RGS7: variants seen among roughly 807,000 people sequenced by gnomAD.
RGS7 encodes the protein regulator of G-protein signaling 7.
In RGS7, 27 loss-of-function variants were observed where a neutral mutation model predicts 81.1. The observed-to-expected ratio is 0.33, with a 90% CI of 0.25 to 0.46. RGS7 has a LOEUF of 0.46. Ranked by LOEUF, RGS7 falls within the 20% of genes least tolerant of loss-of-function variation. The pLI is 1.00. For missense variants in RGS7, 396 were observed against 607.4 expected (o/e 0.65, Z 3.66); for synonymous variants, 208 against 207.7 (o/e 1.00, Z -0.01).
intron 9 of RGS7, among the ~76,000 whole-genome samples, chr1:240,855,606 T>C (rs1216936649): frequency 6.6e-6 from 1 of 151,996 alleles, no homozygotes; most frequent in African/African-American, 2.4e-5. Context: ...TTTTGAGTTA[T>C]ACAATATACT....
chr1:241,294,323 G>A (rs781346807), intron 2 of RGS7, among the ~76,000 whole-genome samples: 9 of 151,912 alleles, frequency 5.9e-5, no homozygotes, highest in Non-Finnish European at 1.3e-4. Flanking sequence ...CCTAATGCAT[G>A]GGGGCTTAAA....
At chr1:241,074,025 C>T (rs1270321838) in intron 3 of RGS7, among the ~76,000 whole-genome samples, 4 of 151,828 alleles carry the variant, frequency 2.6e-5, no homozygotes, top group Admixed American at 6.6e-5. Context: ...CTCAGACTCT[C>T]GAGTAGCTGA....
chr1:241,192,180 G>GTGTT (rs1240221373), intron 2 of RGS7, among the ~76,000 whole-genome samples: 1 of 150,052 alleles, frequency 6.7e-6, no homozygotes, highest in Admixed American at 6.6e-5. Flanking sequence ...GTGTGTGTGT[G>GTGTT]TGTGTGTGTG....
At chr1:241,204,315 A>C (rs1477834697) in intron 2 of RGS7, among the ~76,000 whole-genome samples, 1 of 152,146 alleles carries the variant, frequency 6.6e-6, no homozygotes, top group African/African-American at 2.4e-5. Flanking sequence ...AAACTATTGC[A>C]TTTGCTCACC....
chr1:240,775,446 T>C (rs533731592), downstream of RGS7: 1 of 152,382 alleles, frequency 6.6e-6, no homozygotes, highest in Admixed American at 6.5e-5. Context: ...AACTCTGCGG[T>C]AGTGGGTTGT....
At chr1:240,876,971 C>T (rs1460204849) in intron 6 of RGS7, among the ~76,000 whole-genome samples, 1 of 151,928 alleles carries the variant, frequency 6.6e-6, no homozygotes, top group Non-Finnish European at 1.5e-5. Flanking sequence ...TTCCAAAAAA[C>T]CCCCAAAAAA....
At chr1:241,050,429 TG>T (rs1291058228) in intron 3 of RGS7, among the ~76,000 whole-genome samples, 16 of 152,324 alleles carry the variant, frequency 1.1e-4, no homozygotes, top group Non-Finnish European at 2.1e-4. Flanking sequence ...CAGGTCACTA[TG>T]TTCCATCATG....
rs111350084 is a variant in RGS7 at position 241,017,162 on chromosome 1, G to A, written c.176-34033C>T. ...AGCATTGCTGTCATTCAGTTCACCC[G>A]ATACATTGCTACTACTATTGCTTTA... On this transcript the variant is annotated intron_variant, in intron 3 of 18. Coordinates refer to ENST00000440928, the MANE Select transcript of RGS7 (RefSeq NM_001364886.1). 4.8e-4 allele frequency among the ~76,000 whole-genome samples: 73 copies of A among 152,180 alleles called. No individual in the cohort carries two copies. In the Middle Eastern group the frequency reaches 0.017, roughly 35 times the overall value.
At chr1:240,859,418 T>C (rs1661740743) in intron 9 of RGS7, among the ~76,000 whole-genome samples, 1 of 150,362 alleles carries the variant, frequency 6.7e-6, no homozygotes, top group Non-Finnish European at 1.5e-5. Flanking sequence ...TAGTACATTG[T>C]GTTTTTCTTT....
At chr1:240,948,016 A>AC (rs1161791653) in intron 4 of RGS7, among the ~76,000 whole-genome samples, 1 of 152,096 alleles carries the variant, frequency 6.6e-6, no homozygotes, top group Non-Finnish European at 1.5e-5. Flanking sequence ...AGAGCAGAAC[A>AC]CCCCACTTCC....
chr1:241,077,092 G>A (rs966165268), intron 3 of RGS7, among the ~76,000 whole-genome samples: 1 of 151,952 alleles, frequency 6.6e-6, no homozygotes, highest in Non-Finnish European at 1.5e-5. Context: ...CTATGTACAG[G>A]GTAAAAGTAG....
intron 5 of RGS7, among the ~76,000 whole-genome samples, chr1:240,935,564 A>G (rs768228577): frequency 6.6e-6 from 1 of 152,222 alleles, no homozygotes; most frequent in Non-Finnish European, 1.5e-5. Context: ...AAACTGTCCT[A>G]CGATTATTTG....
At chr1:240,777,481 T>G (rs1683170805) in intron 18 of RGS7, among the ~76,000 whole-genome samples, 1 of 152,192 alleles carries the variant, frequency 6.6e-6, no homozygotes, top group Non-Finnish European at 1.5e-5. Flanking sequence ...ATAGCAATAC[T>G]CTTGATTTGC....
intron 3 of RGS7, among the ~76,000 whole-genome samples, chr1:241,096,289 T>C (rs2064253485): frequency 2.6e-5 from 4 of 152,208 alleles, no homozygotes; most frequent in African/African-American, 9.6e-5. Context: ...CCCCACAGAT[T>C]ATAAGAAAAA....
At chr1:241,187,839 T>C (rs548785057) in intron 2 of RGS7, among the ~76,000 whole-genome samples, 1 of 152,314 alleles carries the variant, frequency 6.6e-6, no homozygotes, top group East Asian at 1.9e-4. Flanking sequence ...TTAGCTTAAT[T>C]CCATTACTGA....
chr1:240,780,036 A>C (rs1052576958), intron 18 of RGS7, among the ~76,000 whole-genome samples: 1 of 152,188 alleles, frequency 6.6e-6, no homozygotes, highest in African/African-American at 2.4e-5. Flanking sequence ...AAAAAGATTC[A>C]GTTCTTAAAT....
chr1:241,351,396 T>C (rs554701125), intron 2 of RGS7, among the ~76,000 whole-genome samples: 1 of 149,210 alleles, frequency 6.7e-6, no homozygotes, highest in African/African-American at 2.5e-5. Flanking sequence ...TCCAGCCTGG[T>C]CAACAGAGCA....
chr1:241,214,406 T>G (rs2074429176), intron 2 of RGS7, among the ~76,000 whole-genome samples: 1 of 152,158 alleles, frequency 6.6e-6, no homozygotes, highest in African/African-American at 2.4e-5. Context: ...CTTGTCATTT[T>G]TATTCAATAT....
chr1:241,312,478 A>AG (rs1413656326), intron 2 of RGS7, among the ~76,000 whole-genome samples: 6 of 152,274 alleles, frequency 3.9e-5, no homozygotes, highest in Admixed American at 1.3e-4. Context: ...TTCTTCCCAC[A>AG]GTGTTTCAAA....
Sources: gnomAD v4.1 joint callset for allele counts (sites outside exome capture counted in the v4.1 genomes callset) on GRCh38, gnomAD v4.1.1 for gene constraint, MANE v1.5 for transcripts, NCBI Gene and HGNC (gene_info 2026-07-23, HGNC 2026-07-21) for gene names.